Variants in PRICKLE2 observed in about 807,000 individuals in gnomAD.
PRICKLE2 encodes prickle-like protein 2.
Under a neutral mutation model 81.4 loss-of-function variants are expected in PRICKLE2, and 21 were observed. That is an observed-to-expected ratio of 0.26 (90% CI 0.18 to 0.37). The LOEUF (loss-of-function observed/expected upper bound fraction) is 0.37. PRICKLE2 is among the 10% of genes least tolerant of loss of function. PRICKLE2 has a pLI of 1.00. For missense variants in PRICKLE2, 940 were observed against 1,109.0 expected, an observed-to-expected ratio of 0.85 and a Z score of 2.16; for synonymous variants, 456 against 421.5, an observed-to-expected ratio of 1.08 and a Z score of -1.00.
At chr3:64,155,841 G>C (rs374462212) in intron 5 of PRICKLE2, among the ~76,000 whole-genome samples, 1 of 152,154 alleles carries the variant, frequency 6.6e-6, no homozygotes, top group Non-Finnish European at 1.5e-5. Flanking sequence ...GACAGAAATA[G>C]ATTAGAAGTT....
intron 2 of PRICKLE2, among the ~76,000 whole-genome samples, chr3:64,166,313 G>A (rs756116310): frequency 6.6e-6 from 1 of 152,118 alleles, no homozygotes; most frequent in Non-Finnish European, 1.5e-5. Flanking sequence ...CTTGGGCAGC[G>A]TCCACACCCA....
chr3:64,122,206 A>G (rs2077038285), intron 7 of PRICKLE2, among the ~76,000 whole-genome samples: 2 of 152,328 alleles, frequency 1.3e-5, no homozygotes, highest in South Asian at 4.1e-4. Context: ...AGAAAGGAAC[A>G]TAAATGAGAG....
chr3:64,185,345 G>A (rs1427945757), intron 2 of PRICKLE2, among the ~76,000 whole-genome samples: 1 of 152,140 alleles, frequency 6.6e-6, no homozygotes, highest in Non-Finnish European at 1.5e-5. Flanking sequence ...GGAAAAGACA[G>A]CCTCCCAACT....
intron 2 of PRICKLE2, among the ~76,000 whole-genome samples, chr3:64,188,555 T>C: frequency 6.6e-6 from 1 of 152,196 alleles, no homozygotes; most frequent in South Asian, 2.1e-4. Context: ...AACCTCGTTT[T>C]GAAAACCACG....
At position 64,099,562 on chromosome 3, in the gene PRICKLE2, G is replaced by A; in HGVS notation, c.2024C>T (p.Ser675Leu). ...TCGGAAACGGCGGTTGTCGTCGCGT[G>A]AAGTAGCTCTTCTCCGGGTGCGTTC... ...MSERTRRRAT[S>L]RDDNRRFRPH... Residue 675 changes from serine to leucine, a missense_variant, in exon 8 of 8, where the codon TCA becomes TTA. Physicochemically the swap from Ser to Leu is moderately radical, Grantham distance 145. Coordinates refer to ENST00000638394, the MANE Select transcript of PRICKLE2 (RefSeq NM_198859.4). The surrounding 1 kb of genome is among the most constrained non-coding windows in gnomAD (Gnocchi z 4.3). 6.2e-7 allele frequency: 1 copy of A among 1,611,808 alleles called. No homozygotes were observed. Among genetic ancestry groups the A allele is most frequent in the Non-Finnish European group, 8.5e-7 (1 of 1,178,242 alleles).
rs567291552 is a variant in PRICKLE2 at position 64,093,697 on chromosome 3, G to A, written c.*5354C>T. ...AACCGAGAATTAACTAGCACAAGAC[G>A]TCAATATTGCTGAGGCTTAGAAACC... On this transcript the variant is annotated 3_prime_UTR_variant, in exon 8 of 8. Transcript: ENST00000638394. The A allele has an allele frequency of 3.3e-5, 5 of 152,206 alleles. No homozygotes were observed. Among genetic ancestry groups the A allele is most frequent in the East Asian group, 3.9e-4 (2 of 5,176 alleles). 9.4% of individuals were successfully genotyped at this position (152,206 alleles called of 1,614,324 possible).
At chr3:64,116,582 A>G (rs868511967) in intron 7 of PRICKLE2, among the ~76,000 whole-genome samples, 3 of 152,236 alleles carry the variant, frequency 2.0e-5, no homozygotes, top group Middle Eastern at 3.2e-3. Context: ...ATGTACATAA[A>G]CTAGAAAATC....
intron 5 of PRICKLE2, chr3:64,154,028 CA>C (rs1439321315): frequency 6.5e-6 from 1 of 154,182 alleles, no homozygotes; most frequent in African/African-American, 2.4e-5. Context: ...TATAAAGCTA[CA>C]GTAATCAAGC....
intron 2 of PRICKLE2, among the ~76,000 whole-genome samples, chr3:64,236,251 T>C (rs1406739730): frequency 1.3e-5 from 2 of 152,198 alleles, no homozygotes; most frequent in Non-Finnish European, 2.9e-5. Flanking sequence ...ATGTCAGTTT[T>C]ATTCAGCCCT....
intron 7 of PRICKLE2, among the ~76,000 whole-genome samples, chr3:64,113,051 T>C (rs553660655): frequency 6.6e-6 from 1 of 152,162 alleles, no homozygotes; most frequent in South Asian, 2.1e-4. Flanking sequence ...AATGGGTGAG[T>C]TGAACTGGCA....
At chr3:64,266,143 C>A (rs1006658711) in intron 2 of PRICKLE2, among the ~76,000 whole-genome samples, 1 of 151,836 alleles carries the variant, frequency 6.6e-6, no homozygotes, top group African/African-American at 2.4e-5. Flanking sequence ...ATACTCAAAT[C>A]TCCTGGTAAT....
At chr3:64,165,963 GGTGTGTGTGT>G (rs67554015) in intron 2 of PRICKLE2, among the ~76,000 whole-genome samples, 1,520 of 61,824 alleles carry the variant, frequency 0.025, 14 homozygotes, top group Non-Finnish European at 0.027. Flanking sequence ...CTGTTATAAA[GGTGTGTGTGT>G]GTGTGTGTGT....
At chr3:64,115,707 T>C (rs1336348779) in intron 7 of PRICKLE2, among the ~76,000 whole-genome samples, 2 of 152,180 alleles carry the variant, frequency 1.3e-5, no homozygotes, top group East Asian at 3.9e-4. Context: ...AGCAAGTTCT[T>C]AGAGACCTTC....
intron 1 of PRICKLE2, among the ~76,000 whole-genome samples, chr3:64,203,518 C>T (rs958898493): frequency 2.6e-5 from 4 of 152,154 alleles, no homozygotes; most frequent in African/African-American, 9.7e-5. Context: ...CAATTAAACT[C>T]ATTTATTCAC....
intron 7 of PRICKLE2, among the ~76,000 whole-genome samples, chr3:64,124,829 A>T (rs2106973965): frequency 6.6e-6 from 1 of 152,346 alleles, no homozygotes; most frequent in South Asian, 2.1e-4. Flanking sequence ...ATGTACAAGA[A>T]TATGAATGTT....
intron 2 of PRICKLE2, among the ~76,000 whole-genome samples, chr3:64,235,497 A>C (rs1225853332): frequency 6.6e-6 from 1 of 152,082 alleles, no homozygotes; most frequent in Non-Finnish European, 1.5e-5. Flanking sequence ...ATATTATAGC[A>C]ATTCTGGATA....
chr3:64,131,065 G>A (rs1024820126), intron 7 of PRICKLE2, among the ~76,000 whole-genome samples: 7 of 152,362 alleles, frequency 4.6e-5, no homozygotes, highest in Non-Finnish European at 7.3e-5. Context: ...CCAGAGCAAA[G>A]CTGAGTGTGG....
chr3:64,172,410 T>C (rs554386665), intron 2 of PRICKLE2, among the ~76,000 whole-genome samples: 189 of 152,356 alleles, frequency 1.2e-3, no homozygotes, highest in Non-Finnish European at 1.5e-3. Flanking sequence ...CAGTTTCTTA[T>C]AGGGGTAACT....
chr3:64,230,548 A>G (rs1020502144), intron 2 of PRICKLE2, among the ~76,000 whole-genome samples: 6 of 152,256 alleles, frequency 3.9e-5, no homozygotes, highest in Non-Finnish European at 5.9e-5. Context: ...CATTCATAAA[A>G]AAGAAATGCT....
Sources: allele counts gnomAD v4.1 joint callset (sites outside exome capture counted in the v4.1 genomes callset), GRCh38; gene constraint gnomAD v4.1.1; non-coding constraint Gnocchi (gnomAD v3.1); transcripts MANE v1.5; gene names NCBI Gene and HGNC (gene_info 2026-07-23, HGNC 2026-07-21).